PRIM2: variants seen among roughly 807,000 people sequenced by gnomAD.
PRIM2 encodes the protein DNA primase large subunit.
A neutral mutation model predicts 67.3 loss-of-function variants in PRIM2; 39 were observed. The observed-to-expected ratio is 0.58, with a 90% confidence interval of 0.45 to 0.76. PRIM2 has a LOEUF of 0.76. Ranked by LOEUF, PRIM2 falls within the 30% of genes least tolerant of loss-of-function variation. The pLI is 0.00. For missense variants in PRIM2, 398 were observed against 598.7 expected, an observed-to-expected ratio of 0.66 and a Z score of 3.50; for synonymous variants, 143 against 198.7, an observed-to-expected ratio of 0.72 and a Z score of 2.36.
At chr6:57,604,454 A>C (rs1776525245) in intron 11 of PRIM2, among the ~76,000 whole-genome samples, 1 of 151,990 alleles carries the variant, frequency 6.6e-6, no homozygotes, top group African/African-American at 2.4e-5. Flanking sequence ...GATGGCTTTT[A>C]TTTCTTTCTT....
chr6:57,559,814 C>T (rs1241853568), intron 10 of PRIM2, among the ~76,000 whole-genome samples: 1 of 152,154 alleles, frequency 6.6e-6, no homozygotes, highest in South Asian at 2.1e-4. Flanking sequence ...ACAATGTAGA[C>T]ACCTTTATTT....
At chr6:57,602,624 C>A (rs1466027537) in intron 11 of PRIM2, among the ~76,000 whole-genome samples, 1 of 152,168 alleles carries the variant, frequency 6.6e-6, no homozygotes, top group South Asian at 2.1e-4. Flanking sequence ...AGGGATTTGT[C>A]TGCAAATTTC....
chr6:57,279,308 C>G, the PRIM2 span, among the ~76,000 whole-genome samples: 1 of 152,182 alleles, frequency 6.6e-6, no homozygotes, highest in Admixed American at 6.5e-5. Context: ...ACTGCATTCC[C>G]TAAGTCTGAG....
At chr6:57,242,287 A>C in the PRIM2 span, among the ~76,000 whole-genome samples, 1 of 152,160 alleles carries the variant, frequency 6.6e-6, no homozygotes, top group Admixed American at 6.5e-5. Flanking sequence ...AAAGCATTAA[A>C]AATTTCCTGC....
At chr6:57,466,871 G>A (rs1229973960) in intron 7 of PRIM2, among the ~76,000 whole-genome samples, 49 of 152,124 alleles carry the variant, frequency 3.2e-4, no homozygotes, top group African/African-American at 1.2e-3. Context: ...TGTAATCCCA[G>A]CACTTTGGCA....
chr6:57,409,452 G>GT (rs1562737519), intron 7 of PRIM2, among the ~76,000 whole-genome samples: 1 of 152,154 alleles, frequency 6.6e-6, no homozygotes, highest in Non-Finnish European at 1.5e-5. Context: ...GGGATTACAG[G>GT]TGTGAGCCAC....
At chr6:57,302,424 G>C in the PRIM2 span, among the ~76,000 whole-genome samples, 1 of 152,118 alleles carries the variant, frequency 6.6e-6, no homozygotes, top group Admixed American at 6.5e-5. Flanking sequence ...TGAGTGCTGG[G>C]TTGTTGAGTC....
chr6:57,284,765 G>A, the PRIM2 span, among the ~76,000 whole-genome samples: 2 of 152,016 alleles, frequency 1.3e-5, no homozygotes, highest in African/African-American at 2.4e-5. Flanking sequence ...TTTAGACTCA[G>A]CAATTTCAAT....
chr6:57,645,873 A>G, intron 13 of PRIM2, 55 bp from the exon 14 acceptor site: 1 of 959,610 alleles, frequency 1.0e-6, no homozygotes, highest in Non-Finnish European at 1.6e-6. Flanking sequence ...TTTGAAACTC[A>G]TATATTTATA....
chr6:57,377,033 T>G (rs1769789981), intron 5 of PRIM2, among the ~76,000 whole-genome samples: 1 of 151,420 alleles, frequency 6.6e-6, no homozygotes, highest in Admixed American at 6.6e-5. Flanking sequence ...TGCACCACCA[T>G]GCCCAGCTAA....
chr6:57,391,813 C>A (rs1246819525), intron 7 of PRIM2, among the ~76,000 whole-genome samples: 1 of 152,122 alleles, frequency 6.6e-6, no homozygotes, highest in African/African-American at 2.4e-5. Context: ...AAGCGTTGTT[C>A]TTTCTGCTTA....
chr6:57,452,633 T>C (rs1772596867), intron 7 of PRIM2, among the ~76,000 whole-genome samples: 1 of 151,738 alleles, frequency 6.6e-6, no homozygotes, highest in East Asian at 1.9e-4. Context: ...ATGGGGTTGT[T>C]TGTTTTTTTC....
Position 57,380,042 on chromosome 6 carries a change from G to A in PRIM2, c.555+46G>A, listed in dbSNP as rs551722434. 4.2e-5 allele frequency: 62 copies of A among 1,460,176 alleles called. No individual in the cohort carries two copies. In the East Asian group the frequency reaches 7.0e-4, roughly 16 times the overall value. The allele number at this position is 1,460,176 out of a possible 1,614,324, so 90.5% of individuals were successfully genotyped here. A position where few individuals can be genotyped will look rare whatever the true frequency, so the allele number is the denominator to read the frequency against. On this transcript the variant is annotated intron_variant, in intron 6 of 13. Coordinates refer to ENST00000615550, the MANE Select transcript of PRIM2 (RefSeq NM_000947.5). ...CTTCCTAGGTTTTGTTAAATATGTC[G>A]CATTGAGCTTTATATACATATTTAA...
intron 7 of PRIM2, among the ~76,000 whole-genome samples, chr6:57,401,055 T>G (rs1770689876): frequency 1.3e-5 from 2 of 152,234 alleles, no homozygotes. Context: ...GTTTGAGTCT[T>G]GATGATCTTT....
At chr6:57,378,039 A>G (rs1230677234) in intron 5 of PRIM2, among the ~76,000 whole-genome samples, 4 of 151,474 alleles carry the variant, frequency 2.6e-5, no homozygotes, top group African/African-American at 7.3e-5. Context: ...AAAACAGCAC[A>G]TCAGAAAGCT....
At chr6:57,382,739 A>T (rs993140524) in intron 7 of PRIM2, 3 of 152,182 alleles carry the variant, frequency 2.0e-5, no homozygotes, top group African/African-American at 7.2e-5. Context: ...ACACATTTTT[A>T]TATGTAAAAC....
At chr6:57,427,399 A>G (rs866918373) in intron 7 of PRIM2, among the ~76,000 whole-genome samples, 15 of 152,102 alleles carry the variant, frequency 9.9e-5, no homozygotes, top group Middle Eastern at 6.8e-3. Flanking sequence ...GCTCACTTCA[A>G]CCTCCGTCTC....
At chr6:57,619,400 G>A (rs1478188134) in intron 12 of PRIM2, among the ~76,000 whole-genome samples, 100 of 149,932 alleles carry the variant, frequency 6.7e-4, no homozygotes, top group South Asian at 1.3e-3. Flanking sequence ...ACCAGCAATC[G>A]ATCCAAACCA....
At chr6:57,273,678 A>G in the PRIM2 span, among the ~76,000 whole-genome samples, 1 of 152,174 alleles carries the variant, frequency 6.6e-6, no homozygotes, top group Non-Finnish European at 1.5e-5. Context: ...GAGGAGCTGC[A>G]TTCCTTTGGA....
Sources: allele counts gnomAD v4.1 joint callset (sites outside exome capture counted in the v4.1 genomes callset), GRCh38; gene constraint gnomAD v4.1.1; transcripts MANE v1.5; gene names NCBI Gene and HGNC (gene_info 2026-07-23, HGNC 2026-07-21).